STPG2: variants seen among roughly 807,000 people sequenced by gnomAD.
The protein encoded by STPG2 is sperm-tail PG-rich repeat-containing protein 2.
A neutral mutation model predicts 54.2 loss-of-function variants in STPG2; 56 were observed. That is an observed-to-expected ratio of 1.03 (90% CI 0.83 to 1.29). The LOEUF (loss-of-function observed/expected upper bound fraction) is 1.29. Among genes scored for constraint, STPG2 ranks in the 50% most tolerant of loss-of-function variants. STPG2 has a pLI of 0.00. For missense variants in STPG2, 596 were observed against 544.9 expected (o/e 1.09, Z -0.93); for synonymous variants, 200 against 181.8 (o/e 1.10, Z -0.81).
At chr4:97,854,860 C>T (rs1048150030) in intron 8 of STPG2, among the ~76,000 whole-genome samples, 3 of 152,062 alleles carry the variant, frequency 2.0e-5, no homozygotes, top group Non-Finnish European at 4.4e-5. Flanking sequence ...CGTATTAAGC[C>T]CAGTATCCAT....
At chr4:97,751,732 T>C (rs1277431737) in intron 9 of STPG2, among the ~76,000 whole-genome samples, 1 of 151,716 alleles carries the variant, frequency 6.6e-6, no homozygotes, top group Non-Finnish European at 1.5e-5. Flanking sequence ...CAATTTGGAA[T>C]GAGTCAGATA....
At chr4:97,874,336 C>T (rs986196127) in intron 8 of STPG2, among the ~76,000 whole-genome samples, 2 of 151,416 alleles carry the variant, frequency 1.3e-5, no homozygotes, top group African/African-American at 4.8e-5. Context: ...CTCTTATCTC[C>T]CAAGTAATTT....
At chr4:97,576,982 A>G (rs1269438737) in intron 10 of STPG2, among the ~76,000 whole-genome samples, 2 of 152,310 alleles carry the variant, frequency 1.3e-5, no homozygotes, top group Non-Finnish European at 2.9e-5. Context: ...CAATAAACAT[A>G]TGAAAAATGC....
intron 8 of STPG2, among the ~76,000 whole-genome samples, chr4:97,878,430 A>G (rs538177486): frequency 3.9e-5 from 6 of 152,250 alleles, no homozygotes; most frequent in Non-Finnish European, 7.4e-5. Context: ...ATTTCTATAC[A>G]TCCTCTTAAA....
intron 8 of STPG2, among the ~76,000 whole-genome samples, chr4:97,943,342 C>A (rs940247102): frequency 6.6e-6 from 1 of 152,076 alleles, no homozygotes; most frequent in Non-Finnish European, 1.5e-5. Flanking sequence ...CTAAATTTTA[C>A]TTTGATATAT....
rs1166506990 is a variant in STPG2, at chr4:97,716,820, G to A, written c.1205-4006C>T. ...GTGGTGCCTATGGCCACGTGCCATG[G>A]TGGTGCCTATGAAACAAACCTGCAC... On this transcript the variant is annotated intron_variant, in intron 9 of 10. Transcript: ENST00000295268. Among the ~76,000 whole-genome samples, 3 of 151,808 alleles carry A rather than the reference G, an allele frequency of 2.0e-5. No individual in the cohort carries two copies. The East Asian group carries it at 5.9e-4, about 30-fold the overall frequency.
chr4:97,639,307 A>G, intron 10 of STPG2, among the ~76,000 whole-genome samples: 1 of 151,444 alleles, frequency 6.6e-6, no homozygotes, highest in South Asian at 2.1e-4. Context: ...GATCACATGG[A>G]CACAGGAAGG....
At chr4:97,675,412 T>G (rs551629446) in intron 10 of STPG2, among the ~76,000 whole-genome samples, 1 of 152,206 alleles carries the variant, frequency 6.6e-6, no homozygotes, top group East Asian at 1.9e-4. Flanking sequence ...CTGCTACATT[T>G]ATGAAAGCCC....
chr4:97,629,134 T>C (rs1196973580), intron 10 of STPG2, among the ~76,000 whole-genome samples: 3 of 151,918 alleles, frequency 2.0e-5, no homozygotes, highest in African/African-American at 7.2e-5. Flanking sequence ...ATAAAAAAAA[T>C]TGGAGACAGA....
chr4:98,059,093 C>T (rs1285200509), intron 5 of STPG2, among the ~76,000 whole-genome samples: 3 of 150,832 alleles, frequency 2.0e-5, no homozygotes, highest in South Asian at 2.1e-4. Flanking sequence ...ATAGATAGGC[C>T]GCTAGCTAGA....
intron 10 of STPG2, among the ~76,000 whole-genome samples, chr4:97,672,166 C>CTTTTTTTT (rs70953079): frequency 8.3e-4 from 67 of 80,696 alleles, no homozygotes; most frequent in Admixed American, 1.1e-3. Context: ...ACTGGTAATT[C>CTTTTTTTT]TTTTTTTTTT....
At chr4:97,981,039 T>G (rs746599781) in intron 6 of STPG2, 120 bp downstream of exon 6, 224 of 1,060,920 alleles carry the variant, frequency 2.1e-4, no homozygotes, top group Admixed American at 5.2e-5. Flanking sequence ...AATGTTGACT[T>G]AAAATGACAC....
intron 5 of STPG2, among the ~76,000 whole-genome samples, chr4:98,009,150 C>T (rs1442616991): frequency 6.6e-6 from 1 of 151,706 alleles, no homozygotes; most frequent in Non-Finnish European, 1.5e-5. Flanking sequence ...CTGATCTTTA[C>T]TTTCCCTTTC....
intron 4 of STPG2, among the ~76,000 whole-genome samples, chr4:98,108,885 T>TG (rs1281967592): frequency 6.6e-6 from 1 of 151,300 alleles, no homozygotes; most frequent in Non-Finnish European, 1.5e-5. Context: ...CTTGGGGGGA[T>TG]GGGGGGCTAG....
intron 5 of STPG2, among the ~76,000 whole-genome samples, chr4:98,097,317 T>C (rs1328783305): frequency 1.3e-5 from 2 of 152,146 alleles, no homozygotes; most frequent in African/African-American, 2.4e-5. Flanking sequence ...GCAAGAACAG[T>C]TCAACATATG....
At chr4:98,137,481 T>G (rs1048146384) in intron 1 of STPG2, among the ~76,000 whole-genome samples, 1 of 151,894 alleles carries the variant, frequency 6.6e-6, no homozygotes, top group Non-Finnish European at 1.5e-5. Flanking sequence ...ATTTTTTAAC[T>G]GAATATCTTC....
chr4:97,666,924 T>C (rs770456582), intron 10 of STPG2, among the ~76,000 whole-genome samples: 1 of 152,122 alleles, frequency 6.6e-6, no homozygotes, highest in African/African-American at 2.4e-5. Context: ...ACCACCTTTA[T>C]AGTTACCACT....
chr4:97,501,265 C>T (rs1730719317), intron 4 of STPG2, among the ~76,000 whole-genome samples: 2 of 151,810 alleles, frequency 1.3e-5, no homozygotes, highest in African/African-American at 4.8e-5. Context: ...AATTCAGTCA[C>T]ATAAAGTCAG....
chr4:97,460,190 C>A (rs1444234825), intron 4 of STPG2, among the ~76,000 whole-genome samples: 1 of 152,162 alleles, frequency 6.6e-6, no homozygotes, highest in Admixed American at 6.5e-5. Context: ...TATTATATCC[C>A]TTTATACTCA....
Sources: allele counts gnomAD v4.1 joint callset (sites outside exome capture counted in the v4.1 genomes callset), GRCh38; gene constraint gnomAD v4.1.1; transcripts MANE v1.5; gene names NCBI Gene and HGNC (gene_info 2026-07-23, HGNC 2026-07-21).